Variants in HOXC4 observed in about 807,000 individuals in gnomAD.
HOXC4 encodes homeobox C4.
Under a neutral mutation model 25.5 loss-of-function variants are expected in HOXC4, and 15 were observed. The observed-to-expected ratio is 0.59, with a 90% CI of 0.39 to 0.91. HOXC4 has a LOEUF of 0.91. Ranked by LOEUF, HOXC4 falls within the 40% of genes least tolerant of loss-of-function variation. HOXC4 has a pLI of 0.00. For missense variants in HOXC4, 342 were observed against 352.4 expected (o/e 0.97, Z 0.24); for synonymous variants, 165 against 148.0 (o/e 1.11, Z -0.83).
intron 1 of HOXC4, chr12:54,037,971 G>A (rs1592241850): frequency 6.6e-6 from 1 of 152,226 alleles, no homozygotes. Context: ...GGGGACGATG[G>A]TGAGAGAGGT....
rs1937974978 is a variant in HOXC4 at position 54,056,018 on chromosome 12, T to A, written c.*813T>A. The stretch of plus-strand genomic sequence containing the variant: ...GTGATCAATAATAAACCAGTGGATG[T>A]GAATTAGTTTTACGTCAATGTCTGA... On this transcript the variant is annotated 3_prime_UTR_variant, in exon 2 of 2. Transcript: ENST00000430889. 1 of 152,680 alleles carries A rather than the reference T, an allele frequency of 6.5e-6. No homozygotes were observed. The highest frequency in any genetic ancestry group is 6.5e-5 in the Admixed American group (1 of 15,292). 9.5% of individuals were successfully genotyped at this position (152,680 alleles called of 1,614,324 possible).
intron 1 of HOXC4, among the ~76,000 whole-genome samples, chr12:54,018,032 G>T (rs1004251803): frequency 3.3e-5 from 5 of 152,192 alleles, no homozygotes; most frequent in Admixed American, 3.3e-4. Flanking sequence ...TTGGCAATTA[G>T]GGGGGAGGCT....
chr12:54,048,746 C>A (rs1227920206), intron 1 of HOXC4, among the ~76,000 whole-genome samples: 10 of 152,146 alleles, frequency 6.6e-5, no homozygotes, highest in African/African-American at 2.2e-4. Flanking sequence ...CTTTGAGATA[C>A]CCTCATAAAC....
Position 54,054,277 on chromosome 12 carries a change from C to T in HOXC4, c.355C>T (p.Gln119Ter). ...SPSPAPPACS[Q>*]PAPDHPSSAA... The stretch of plus-strand genomic sequence containing the variant: ...GTCCCCAGCCCCGCCAGCCTGCAGC[C>T]AGCCAGCCCCCGACCATCCCTCCAG... The change falls in exon 1 of 2, where the codon CAG (glutamine) becomes TAG (stop). Residue 119 changes from glutamine to a stop codon, truncating the protein, a stop_gained. Coordinates refer to ENST00000430889, the MANE Select transcript of HOXC4 (RefSeq NM_153633.3). LOFTEE classifies it high-confidence loss of function. 1 of 1,609,634 alleles carries T rather than the reference C, an allele frequency of 6.2e-7. No homozygotes were observed. The highest frequency in any genetic ancestry group is 1.1e-5 in the South Asian group (1 of 90,854).
At chr12:54,053,116 C>T (rs1401478160), upstream of HOXC4, 1 of 152,310 alleles carries the variant, frequency 6.6e-6, no homozygotes, top group Non-Finnish European at 1.5e-5. Context: ...GAAGGCGAGA[C>T]TTCTGAACTC....
At chr12:54,028,432 C>T (rs1940827427) in intron 1 of HOXC4, 1 of 1,389,918 alleles carries the variant, frequency 7.2e-7, no homozygotes, top group Non-Finnish European at 9.9e-7. Flanking sequence ...TGGATTGGAG[C>T]CGTCCCTATA....
intron 1 of HOXC4, among the ~76,000 whole-genome samples, chr12:54,031,754 C>T (rs552954968): frequency 6.6e-6 from 1 of 152,274 alleles, no homozygotes; most frequent in African/African-American, 2.4e-5. Context: ...GCGGAGATTT[C>T]CTGGGAAGAA....
chr12:54,054,908 G>A lies in HOXC4; in HGVS notation c.498G>A (p.Gln166=), dbSNP rs374693094. 13 of 1,613,922 alleles carry A rather than the reference G, an allele frequency of 8.1e-6. No homozygotes were observed. Among genetic ancestry groups the A allele is most frequent in the South Asian group, 5.5e-5 (5 of 91,070 alleles). Residue 166 remains glutamine (Q), a synonymous_variant, in exon 2 of 2, where the codon CAG becomes CAA. Coordinates refer to ENST00000430889, the MANE Select transcript of HOXC4 (RefSeq NM_153633.3). ...PKRSRTAYTR[Q]QVLELEKEFH... ...GCTCGAGGACAGCCTATACCCGGCA[G>A]CAAGTCCTGGAATTAGAGAAAGAGT...
chr12:54,054,318 AC>A lies in HOXC4; in HGVS notation c.399del (p.Ile134Ter). 6.2e-7 allele frequency: 1 copy of A among 1,602,368 alleles called. No individual in the cohort carries two copies. Among genetic ancestry groups the A allele is most frequent in the Non-Finnish European group, 8.5e-7 (1 of 1,175,070 alleles). ...DHPSSAASKQ[P>X]IVYPWMKKIH... The stretch of plus-strand genomic sequence containing the variant: ...ATCCCTCCAGCGCCGCCAGCAAGCA[AC>A]CCATAGTCTACCCATGGATGAAAAA... On this transcript the variant is annotated frameshift_variant, in exon 1 of 2. Transcript: ENST00000430889. LOFTEE classifies it high-confidence loss of function.
intron 1 of HOXC4, chr12:54,034,262 G>A: frequency 1.2e-6 from 2 of 1,607,854 alleles, no homozygotes; most frequent in Non-Finnish European, 1.7e-6. Flanking sequence ...GGCTTGGGGT[G>A]GGGTTTATGT....
Position 54,033,037 on chromosome 12 carries a change from G to A in HOXC4, c.-124+15623G>A, listed in dbSNP as rs1941045475. The stretch of plus-strand genomic sequence containing the variant: ...CTCCACCTATAAATTGTCCACTTTG[G>A]AGAACAAAAAACCCCTCAACTTCAA... On this transcript the variant is annotated intron_variant, in intron 1 of 3. Coordinates refer to the HOXC4 transcript ENST00000303406. The A allele has an allele frequency of 1.1e-5, 12 of 1,097,312 alleles. No homozygotes were observed. In the Admixed American group the frequency reaches 2.6e-4, roughly 24 times the overall value. 68.0% of individuals were successfully genotyped at this position (1,097,312 alleles called of 1,614,324 possible).
chr12:54,022,940 C>T (rs1253327281), intron 1 of HOXC4, among the ~76,000 whole-genome samples: 1 of 152,202 alleles, frequency 6.6e-6, no homozygotes, highest in Non-Finnish European at 1.5e-5. Context: ...CCTATTGCGG[C>T]TTCTTCCTCA....
intron 1 of HOXC4, among the ~76,000 whole-genome samples, chr12:54,036,799 G>A (rs1189298088): frequency 6.6e-6 from 1 of 152,150 alleles, no homozygotes; most frequent in African/African-American, 2.4e-5. Flanking sequence ...TGGCGTCTCC[G>A]GTGGGTAACA....
rs1365925168 is a variant in HOXC4, at chr12:54,054,282, A to C, written c.360A>C (p.Pro120=). ...CAGCCCCGCCAGCCTGCAGCCAGCC[A>C]GCCCCCGACCATCCCTCCAGCGCCG... ...PSPAPPACSQ[P]APDHPSSAAS... The change falls in exon 1 of 2, where the codon CCA becomes CCC. Residue 120 remains proline, a synonymous_variant. Transcript: ENST00000430889. 2 of 1,316,962 alleles carry C rather than the reference A, an allele frequency of 1.5e-6. No homozygotes were observed. The highest frequency in any genetic ancestry group is 4.1e-5 in the East Asian group (1 of 24,578). 81.6% of individuals were successfully genotyped at this position (1,316,962 alleles called of 1,614,324 possible). A position where few individuals can be genotyped will look rare whatever the true frequency, so the allele number is the denominator to read the frequency against.
At chr12:54,029,602 G>A (rs1940902676) in intron 1 of HOXC4, 2 of 1,566,786 alleles carry the variant, frequency 1.3e-6, no homozygotes, top group African/African-American at 1.4e-5. Flanking sequence ...GAAACAGTCT[G>A]CAGAGGACGC....
chr12:54,034,302 C>T, intron 1 of HOXC4: 2 of 1,614,030 alleles, frequency 1.2e-6, no homozygotes, highest in Non-Finnish European at 1.7e-6. Flanking sequence ...CGGTCCCGAA[C>T]CAGTTACACG....
At chr12:54,054,461 T>G in intron 1 of HOXC4, 100 bp downstream of exon 1, 41 of 584,004 alleles carry the variant, frequency 7.0e-5, no homozygotes, top group Non-Finnish European at 7.7e-5. Context: ...TTTCTCTCCT[T>G]CCCCCTCTCT....
intron 1 of HOXC4, among the ~76,000 whole-genome samples, chr12:54,048,665 G>A (rs1937777360): frequency 6.6e-6 from 1 of 152,132 alleles, no homozygotes; most frequent in Non-Finnish European, 1.5e-5. Context: ...CCCAGTCTCT[G>A]CCTTCTTTGG....
rs567421127 is a variant in HOXC4, at chr12:54,055,977, C to T, written c.*772C>T. On this transcript the variant is annotated 3_prime_UTR_variant, in exon 2 of 2. Transcript: ENST00000430889. ...AACTTGCAATAAAGAATTTTAGTGT[C>T]GATGTGAAATGCCCCGTGATCAATA... is the stretch of plus-strand genomic sequence containing the variant. The T allele has an allele frequency of 3.3e-5, 5 of 152,668 alleles. No individual in the cohort carries two copies. The highest frequency in any genetic ancestry group is 2.6e-4 in the Admixed American group (4 of 15,302). The allele number at this position is 152,668 out of a possible 1,614,324, so 9.5% of individuals were successfully genotyped here. A position where few individuals can be genotyped will look rare whatever the true frequency, so the allele number is the denominator to read the frequency against.
Sources: allele counts gnomAD v4.1 joint callset (sites outside exome capture counted in the v4.1 genomes callset), GRCh38; gene constraint gnomAD v4.1.1; transcripts MANE v1.5; gene names NCBI Gene and HGNC (gene_info 2026-07-23, HGNC 2026-07-21).